CTIF: variants seen among roughly 807,000 people sequenced by gnomAD.
The protein encoded by CTIF is cap binding complex dependent translation initiation factor, also known as CBP80/20-dependent translation initiation factor.
In CTIF, 21 loss-of-function variants were observed where a neutral mutation model predicts 66.0. That is an observed-to-expected ratio of 0.32 (90% CI 0.23 to 0.46). The LOEUF (loss-of-function observed/expected upper bound fraction) is 0.46, where lower values mean the gene tolerates loss of function less well. Among genes scored for constraint, CTIF ranks in the 20% least tolerant of loss-of-function variants. The probability of loss-of-function intolerance (pLI) is 1.00; values close to 1 mark genes in which losing one functional copy is unlikely to be tolerated. For missense variants in CTIF, 739 were observed against 812.7 expected, an observed-to-expected ratio of 0.91 and a Z score of 1.10; for synonymous variants, 345 against 326.4, an observed-to-expected ratio of 1.06 and a Z score of -0.62.
At chr18:48,598,719 A>C (rs994566564) in intron 1 of CTIF, among the ~76,000 whole-genome samples, 1 of 152,214 alleles carries the variant, frequency 6.6e-6, no homozygotes, top group East Asian at 1.9e-4. Context: ...AACAGCACGC[A>C]GGGCAAGAAT....
intron 10 of CTIF, among the ~76,000 whole-genome samples, chr18:48,841,792 G>A (rs1389964161): frequency 6.6e-6 from 1 of 152,176 alleles, no homozygotes; most frequent in African/African-American, 2.4e-5. Flanking sequence ...ATAAGGCCAG[G>A]CGGCTATCAG....
At chr18:48,651,935 C>G (rs1188917140) in intron 3 of CTIF, among the ~76,000 whole-genome samples, 1 of 152,182 alleles carries the variant, frequency 6.6e-6, no homozygotes, top group Admixed American at 6.5e-5. Context: ...AAAGACACAA[C>G]GTACCAGAAT....
intron 7 of CTIF, among the ~76,000 whole-genome samples, chr18:48,728,176 T>C (rs2092401713): frequency 6.6e-6 from 1 of 152,132 alleles, no homozygotes; most frequent in Non-Finnish European, 1.5e-5. Context: ...TAATTCCCAA[T>C]AATATATTTT....
At chr18:48,598,124 G>A (rs2090020796) in intron 1 of CTIF, among the ~76,000 whole-genome samples, 1 of 152,230 alleles carries the variant, frequency 6.6e-6, no homozygotes, top group South Asian at 2.1e-4. Flanking sequence ...GATGGCCTGG[G>A]TGGGCAGGGA....
At chr18:48,541,407 C>A (rs191598773) in intron 1 of CTIF, among the ~76,000 whole-genome samples, 1 of 152,182 alleles carries the variant, frequency 6.6e-6, no homozygotes, top group Non-Finnish European at 1.5e-5. Flanking sequence ...GAGCCAGGGC[C>A]GAGAGGAAGG....
chr18:48,836,015 G>A (rs578231349), intron 10 of CTIF, among the ~76,000 whole-genome samples: 19 of 152,148 alleles, frequency 1.2e-4, no homozygotes, highest in Admixed American at 2.6e-4. Flanking sequence ...CGGGCTGTTT[G>A]GTCCCCATGG....
chr18:48,614,032 T>C (rs1213484035), intron 1 of CTIF, among the ~76,000 whole-genome samples: 1 of 152,238 alleles, frequency 6.6e-6, no homozygotes, highest in Admixed American at 6.5e-5. Flanking sequence ...GCGTGTCTTT[T>C]GTGTTCTTCT....
At chr18:48,660,694 A>C (rs12955664) in intron 3 of CTIF, among the ~76,000 whole-genome samples, 12,906 of 152,246 alleles carry the variant, frequency 0.085, 599 homozygotes, top group Middle Eastern at 0.12. Flanking sequence ...GCCCCCTCAC[A>C]GCTGCTGCCA....
intron 10 of CTIF, among the ~76,000 whole-genome samples, chr18:48,833,432 C>T (rs1362510254): frequency 2.0e-5 from 3 of 151,004 alleles, no homozygotes; most frequent in Admixed American, 2.0e-4. Flanking sequence ...CTGCAGCCCT[C>T]TGGGAAAGAT....
chr18:48,820,613 A>C (rs909178703), intron 10 of CTIF, among the ~76,000 whole-genome samples: 7 of 152,140 alleles, frequency 4.6e-5, no homozygotes, highest in African/African-American at 1.4e-4. Flanking sequence ...TGCTCAGTGC[A>C]GCTCTCATGC....
intron 6 of CTIF, among the ~76,000 whole-genome samples, chr18:48,694,646 G>A (rs2091979426): frequency 6.6e-6 from 1 of 152,224 alleles, no homozygotes; most frequent in African/African-American, 2.4e-5. Flanking sequence ...TTTATGTGGT[G>A]CAGACTCTTT....
chr18:48,551,851 G>A (rs1395884263), intron 1 of CTIF, among the ~76,000 whole-genome samples: 1 of 151,880 alleles, frequency 6.6e-6, no homozygotes, highest in African/African-American at 2.4e-5. Context: ...AGGCTGGAGT[G>A]TAGTGGCGCG....
At chr18:48,732,375 C>G (rs549224382) in intron 7 of CTIF, among the ~76,000 whole-genome samples, 1 of 152,098 alleles carries the variant, frequency 6.6e-6, no homozygotes, top group Non-Finnish European at 1.5e-5. Flanking sequence ...AAGGCAACCC[C>G]GAGAAGGCAG....
intron 3 of CTIF, among the ~76,000 whole-genome samples, chr18:48,647,474 T>C (rs993415033): frequency 6.6e-5 from 10 of 152,350 alleles, no homozygotes; most frequent in African/African-American, 1.2e-4. Flanking sequence ...ACAAGTTACA[T>C]TGTGGCATTG....
In CTIF at chr18:48,663,767, A is replaced by G; in HGVS notation, c.268A>G (p.Asn90Asp). The change falls in exon 4 of 12, where the codon AAC becomes GAC. Residue 90 changes from asparagine to aspartate, a missense_variant. Transcript: ENST00000256413. ...TCTCTTCCAGAATGGCAGCAAAGACAACTCTCTGGACATGCTGGGCACGGA... is the reference window on the plus strand; with the variant it reads ...TCTCTTCCAGAATGGCAGCAAAGACGACTCTCTGGACATGCTGGGCACGGA... ...APPQQNGSKDNSLDMLGTDIW... is the reference protein window; with the variant it reads ...APPQQNGSKDDSLDMLGTDIW... The G allele has an allele frequency of 6.2e-7, 1 of 1,614,078 alleles. No homozygotes were observed. The highest frequency in any genetic ancestry group is 1.1e-5 in the South Asian group (1 of 91,084).
chr18:48,555,711 C>T (rs1217325571), intron 1 of CTIF, among the ~76,000 whole-genome samples: 1 of 152,168 alleles, frequency 6.6e-6, no homozygotes, highest in Non-Finnish European at 1.5e-5. Context: ...GCATAGAGAC[C>T]CTGTGACATG....
chr18:48,654,326 C>A (rs934086954), intron 3 of CTIF, among the ~76,000 whole-genome samples: 2 of 152,164 alleles, frequency 1.3e-5, no homozygotes, highest in African/African-American at 2.4e-5. Context: ...TATGAACAGA[C>A]GCTTCTCAAA....
At chr18:48,631,773 C>T (rs1294281938) in intron 2 of CTIF, among the ~76,000 whole-genome samples, 1 of 152,064 alleles carries the variant, frequency 6.6e-6, no homozygotes, top group Non-Finnish European at 1.5e-5. Context: ...CCCACGTTTC[C>T]CGCCTTTCTG....
At chr18:48,757,875 C>A in intron 7 of CTIF, 44 bp from the exon 8 acceptor site, 1 of 1,577,340 alleles carries the variant, frequency 6.3e-7, no homozygotes, top group Non-Finnish European at 8.6e-7. Flanking sequence ...TCTGACCAGC[C>A]CGCCCAGTGA....
Sources: allele counts gnomAD v4.1 joint callset (sites outside exome capture counted in the v4.1 genomes callset), GRCh38; gene constraint gnomAD v4.1.1; transcripts MANE v1.5; gene names NCBI Gene and HGNC (gene_info 2026-07-23, HGNC 2026-07-21).